The following BASP1 variants were observed in gnomAD, a reference collection of about 807,000 sequenced individuals.
BASP1 encodes brain abundant membrane attached signal protein 1.
A neutral mutation model predicts 2.2 loss-of-function variants in BASP1; 1 was observed. The ratio of observed to expected loss-of-function variants is 0.46; its 90% CI spans 0.16 to 2.17. The LOEUF is 2.17. Ranked by LOEUF, BASP1 falls within the 30% of genes most tolerant of loss-of-function variation. The probability of loss-of-function intolerance (pLI) is 0.27; values close to 1 mark genes in which losing one functional copy is unlikely to be tolerated. For synonymous variants in BASP1, 187 were observed against 154.2 expected (o/e 1.21, Z -1.58); for missense variants, 352 against 327.2 (o/e 1.08, Z -0.58).
At position 17,275,616 on chromosome 5, in the gene BASP1, G is replaced by A. The variant is rs1202724137; in HGVS notation, c.400G>A (p.Ala134Thr). 1.4e-6 allele frequency: 2 copies of A among 1,474,116 alleles called. No homozygotes were observed. The highest frequency in any genetic ancestry group is 1.4e-5 in the South Asian group (1 of 73,896). 91.3% of individuals were successfully genotyped at this position (1,474,116 alleles called of 1,614,324 possible). The change falls in exon 2 of 2, where the codon GCC (alanine) becomes ACC (threonine). Residue 134 changes from alanine to threonine, a missense_variant. Ala to Thr is a moderately conservative substitution (Grantham distance 58). Transcript: ENST00000322611. This position sits in a 1 kb window ranked among gnomAD's most constrained non-coding sequence, Gnocchi z 5.3. ...EAAAAPAESA[A>T]PAAGEEPSKE... ...CGCCGCGGCCCCGGCCGAGAGCGCG[G>A]CCCCTGCCGCCGGGGAGGAGCCCAG...
chr5:17,261,981 C>T (rs1740324012), intron 1 of BASP1, among the ~76,000 whole-genome samples: 1 of 152,160 alleles, frequency 6.6e-6, no homozygotes, highest in Admixed American at 6.5e-5. Context: ...ATCACCGGAT[C>T]AATTTGCGCC....
At chr5:17,255,932 C>T (rs899559662) in intron 1 of BASP1, among the ~76,000 whole-genome samples, 10 of 152,180 alleles carry the variant, frequency 6.6e-5, no homozygotes, top group African/African-American at 4.8e-5. Flanking sequence ...AGATAGGGAA[C>T]TCAAGATACT....
rs140647449 is a variant in BASP1 at position 17,232,684 on chromosome 5, C to T, written c.-10+14874C>T. 1.4e-4 allele frequency among the ~76,000 whole-genome samples: 21 copies of T among 152,232 alleles called. 1 individual carries two copies. The East Asian group carries it at 2.9e-3, about 21-fold the overall frequency. ...TTCACATCCAGGAACCAGCTTGTAA[C>T]GAACCTTTGGCAAACATCACCGTGG... is the stretch of plus-strand genomic sequence containing the variant. On this transcript the variant is annotated intron_variant, in intron 1 of 1. Coordinates refer to ENST00000322611, the MANE Select transcript of BASP1 (RefSeq NM_006317.5).
intron 1 of BASP1, among the ~76,000 whole-genome samples, chr5:17,237,358 CA>C (rs1189796087): frequency 2.6e-5 from 4 of 151,312 alleles, no homozygotes; most frequent in African/African-American, 4.9e-5. Flanking sequence ...CAAAACAAAA[CA>C]AAAAAAAGAA....
intron 1 of BASP1, among the ~76,000 whole-genome samples, chr5:17,250,517 AG>A (rs1402856057): frequency 6.6e-6 from 1 of 152,242 alleles, no homozygotes; most frequent in Non-Finnish European, 1.5e-5. Flanking sequence ...CTGGTCATTG[AG>A]AAAAGTTTGT....
At chr5:17,273,022 G>A (rs1740560454) in intron 1 of BASP1, among the ~76,000 whole-genome samples, 1 of 152,100 alleles carries the variant, frequency 6.6e-6, no homozygotes, top group Admixed American at 6.5e-5. Flanking sequence ...GTTGGTGTAT[G>A]GGTTTCTATT....
At chr5:17,271,111 G>A (rs1253738174) in intron 1 of BASP1, among the ~76,000 whole-genome samples, 1 of 152,136 alleles carries the variant, frequency 6.6e-6, no homozygotes, top group East Asian at 1.9e-4. Context: ...TTCTTTGAAG[G>A]ACAGCTTTTT....
rs1354657582 is a variant in BASP1, at chr5:17,260,732, C to T, written c.-9-14476C>T. ...TGATGTTTATCTAGTACCCATTGTG[C>T]ACGAACAACCACAAAGCAAAATCTT... On this transcript the variant is annotated intron_variant, in intron 1 of 1. Coordinates refer to ENST00000322611, the MANE Select transcript of BASP1 (RefSeq NM_006317.5). This position sits in a 1 kb window ranked among gnomAD's most constrained non-coding sequence, Gnocchi z 4.2. 6.6e-6 allele frequency among the ~76,000 whole-genome samples: 1 copy of T among 152,148 alleles called. No individual in the cohort carries two copies. The highest frequency in any genetic ancestry group is 1.5e-5 in the Non-Finnish European group (1 of 68,034).
chr5:17,237,501 G>A (rs1739772643), intron 1 of BASP1, among the ~76,000 whole-genome samples: 1 of 152,142 alleles, frequency 6.6e-6, no homozygotes, highest in African/African-American at 2.4e-5. Context: ...GGCTCATTTT[G>A]AAGAAAGAAA....
chr5:17,217,363 G>A (rs372678953), upstream of BASP1, among the ~76,000 whole-genome samples: 7 of 55,940 alleles, frequency 1.3e-4, no homozygotes, highest in East Asian at 2.7e-3. Context: ...AGGGGAGGCG[G>A]GCGTGTCCAG....
intron 1 of BASP1, among the ~76,000 whole-genome samples, chr5:17,273,952 G>A (rs1740578362): frequency 6.6e-6 from 1 of 152,164 alleles, no homozygotes; most frequent in African/African-American, 2.4e-5. Context: ...GATGTGTGGT[G>A]ACAGAAAAAT....
intron 1 of BASP1, among the ~76,000 whole-genome samples, chr5:17,245,012 A>G (rs963059843): frequency 3.4e-5 from 5 of 148,224 alleles, no homozygotes; most frequent in Non-Finnish European, 6.0e-5. Context: ...GTACTTAAAT[A>G]TCAGTGTTGA....
At chr5:17,250,483 T>G (rs1173161717) in intron 1 of BASP1, among the ~76,000 whole-genome samples, 2 of 152,248 alleles carry the variant, frequency 1.3e-5, no homozygotes, top group African/African-American at 4.8e-5. Flanking sequence ...CTTGGCATTT[T>G]TAAGTGATTC....
chr5:17,259,799 C>T (rs932119063), intron 1 of BASP1, among the ~76,000 whole-genome samples: 5 of 152,196 alleles, frequency 3.3e-5, no homozygotes, highest in African/African-American at 9.6e-5. Context: ...CCACATTGAT[C>T]GAGCCTGTCA....
At chr5:17,246,546 C>T (rs998446115) in intron 1 of BASP1, among the ~76,000 whole-genome samples, 1 of 151,952 alleles carries the variant, frequency 6.6e-6, no homozygotes, top group Non-Finnish European at 1.5e-5. Flanking sequence ...GAGATGTGGC[C>T]GCCCCGAAAA....
intron 1 of BASP1, among the ~76,000 whole-genome samples, chr5:17,220,595 A>T (rs1739377317): frequency 6.6e-6 from 1 of 152,224 alleles, no homozygotes; most frequent in Admixed American, 6.5e-5. Context: ...AGCACCAACA[A>T]TGACAGTGGC....
intron 1 of BASP1, among the ~76,000 whole-genome samples, chr5:17,244,202 G>A (rs1739930780): frequency 6.6e-6 from 1 of 152,170 alleles, no homozygotes; most frequent in African/African-American, 2.4e-5. Context: ...CACCATGTGT[G>A]CTTTTTCAGA....
chr5:17,218,305 A>G (rs1739309906), intron 1 of BASP1, among the ~76,000 whole-genome samples: 1 of 151,154 alleles, frequency 6.6e-6, no homozygotes, highest in Non-Finnish European at 1.5e-5. Flanking sequence ...GAGTCCGGGG[A>G]GAAAGAAGAT....
At chr5:17,253,360 G>A (rs371116428) in intron 1 of BASP1, among the ~76,000 whole-genome samples, 14 of 152,180 alleles carry the variant, frequency 9.2e-5, no homozygotes, top group East Asian at 7.8e-4. Flanking sequence ...ACAGGCGTAC[G>A]CCACCATGCC....
Sources: allele counts gnomAD v4.1 joint callset (sites outside exome capture counted in the v4.1 genomes callset), GRCh38; gene constraint gnomAD v4.1.1; non-coding constraint Gnocchi (gnomAD v3.1); transcripts MANE v1.5; gene names NCBI Gene and HGNC (gene_info 2026-07-23, HGNC 2026-07-21).